Variants in MSRA observed in about 807,000 individuals in gnomAD.
The protein encoded by MSRA is methionine sulfoxide reductase A, also known as mitochondrial peptide methionine sulfoxide reductase.
Under a neutral mutation model 31.3 loss-of-function variants are expected in MSRA, and 54 were observed. That is an observed-to-expected ratio of 1.73 (90% CI 1.39 to 2.17). MSRA has a LOEUF of 2.17. Ranked by LOEUF, MSRA falls within the 30% of genes most tolerant of loss-of-function variation. The probability of loss-of-function intolerance (pLI) is 0.00; values close to 1 mark genes in which losing one functional copy is unlikely to be tolerated. For synonymous variants in MSRA, 169 were observed against 116.5 expected (o/e 1.45, Z -2.90); for missense variants, 507 against 300.9 (o/e 1.69, Z -5.07).
intron 3 of MSRA, among the ~76,000 whole-genome samples, chr8:10,251,671 C>T (rs1424849237): frequency 6.6e-6 from 1 of 152,154 alleles, no homozygotes; most frequent in Non-Finnish European, 1.5e-5. Flanking sequence ...TCTGCTCACC[C>T]AACCATCTTC....
intron 1 of MSRA, among the ~76,000 whole-genome samples, chr8:10,142,325 C>CT (rs1302562695): frequency 5.0e-4 from 76 of 152,252 alleles, no homozygotes; most frequent in African/African-American, 1.7e-3. Context: ...TAATAGGATT[C>CT]CCATTTTCCA....
intron 2 of MSRA, among the ~76,000 whole-genome samples, chr8:10,242,753 C>G (rs373980997): frequency 6.6e-6 from 1 of 152,194 alleles, no homozygotes; most frequent in African/African-American, 2.4e-5. Flanking sequence ...CTCACACCTT[C>G]AAAGCCACAT....
intron 1 of MSRA, among the ~76,000 whole-genome samples, chr8:10,170,065 T>TA (rs1554474791): frequency 6.7e-6 from 1 of 148,234 alleles, no homozygotes; most frequent in Non-Finnish European, 1.5e-5. Flanking sequence ...TTTTTTTTTT[T>TA]AAGTAGAGAC....
intron 5 of MSRA, among the ~76,000 whole-genome samples, chr8:10,387,203 C>G (rs1045998966): frequency 1.3e-5 from 2 of 152,186 alleles, no homozygotes; most frequent in African/African-American, 4.8e-5. Context: ...TAACCTCTCT[C>G]CACCTCCTGA....
At chr8:10,421,341 T>C (rs4349986) in intron 5 of MSRA, among the ~76,000 whole-genome samples, 80,080 of 151,994 alleles carry the variant, frequency 0.53, 22,893 homozygotes, top group Non-Finnish European at 0.65. Flanking sequence ...TTCACGTGAA[T>C]AGAGGGTGGA....
At chr8:10,189,215 T>C (rs946247887) in intron 1 of MSRA, among the ~76,000 whole-genome samples, 6 of 152,198 alleles carry the variant, frequency 3.9e-5, no homozygotes, top group Non-Finnish European at 8.8e-5. Context: ...CTGACCTACA[T>C]TTGGTGAGCT....
At chr8:10,214,008 G>C (rs933848830) in intron 2 of MSRA, among the ~76,000 whole-genome samples, 1 of 152,144 alleles carries the variant, frequency 6.6e-6, no homozygotes, top group Admixed American at 6.5e-5. Flanking sequence ...TTGGGTTGTC[G>C]TGAGTTTTTA....
intron 1 of MSRA, among the ~76,000 whole-genome samples, chr8:10,074,096 T>A (rs1273644817): frequency 6.4e-5 from 5 of 78,076 alleles, no homozygotes; most frequent in South Asian, 3.8e-4. Flanking sequence ...TTTTTTTTTT[T>A]TTATTAAATG....
At position 10,198,979 on chromosome 8, in the gene MSRA, G is replaced by T. The variant is rs148100171; in HGVS notation, c.143-8854G>T. Among the ~76,000 whole-genome samples, 282 of 152,284 alleles carry T rather than the reference G, an allele frequency of 1.9e-3. 2 individuals are homozygous for T. The highest frequency in any genetic ancestry group is 6.5e-3 in the African/African-American group (269 of 41,556). On this transcript the variant is annotated intron_variant, in intron 1 of 5. Transcript: ENST00000317173. ...TGCTCGGCATTGTTTTCGCAAGTTT[G>T]CCATTTGCACGAATCAAAGCTAGTC... is the stretch of plus-strand genomic sequence containing the variant.
chr8:10,096,574 T>G (rs1297854815), intron 1 of MSRA, among the ~76,000 whole-genome samples: 1 of 152,218 alleles, frequency 6.6e-6, no homozygotes, highest in Non-Finnish European at 1.5e-5. Context: ...TTTGGTTGAT[T>G]AGATTTTATA....
intron 3 of MSRA, among the ~76,000 whole-genome samples, chr8:10,275,713 T>A (rs1410939447): frequency 6.6e-6 from 1 of 152,132 alleles, no homozygotes; most frequent in Non-Finnish European, 1.5e-5. Flanking sequence ...CATGAGAAAC[T>A]TGCAGTCGGT....
chr8:10,257,979 T>C (rs1259561793), intron 3 of MSRA, among the ~76,000 whole-genome samples: 1 of 152,198 alleles, frequency 6.6e-6, no homozygotes, highest in African/African-American at 2.4e-5. Context: ...ACATATGAGC[T>C]TGGAGATAGA....
At chr8:10,381,336 C>T (rs993062175) in intron 5 of MSRA, among the ~76,000 whole-genome samples, 12 of 152,196 alleles carry the variant, frequency 7.9e-5, no homozygotes, top group African/African-American at 2.4e-4. Context: ...CGTACCTCCT[C>T]TTGCTTGTTT....
intron 3 of MSRA, among the ~76,000 whole-genome samples, chr8:10,270,091 G>C (rs1334932615): frequency 6.6e-6 from 1 of 152,228 alleles, no homozygotes; most frequent in South Asian, 2.1e-4. Context: ...AGTTGCTATA[G>C]AATGAATGTT....
At chr8:10,101,057 A>T (rs563750239) in intron 1 of MSRA, among the ~76,000 whole-genome samples, 8 of 152,324 alleles carry the variant, frequency 5.3e-5, no homozygotes, top group African/African-American at 1.9e-4. Context: ...CCTTAGCTGT[A>T]TTCATGGGAA....
chr8:10,415,585 T>C (rs1329301403), intron 5 of MSRA, among the ~76,000 whole-genome samples: 1 of 152,080 alleles, frequency 6.6e-6, no homozygotes. Flanking sequence ...AGCCTCTCCA[T>C]CCACCTCTGC....
intron 3 of MSRA, among the ~76,000 whole-genome samples, chr8:10,282,872 C>G (rs189245575): frequency 4.6e-5 from 7 of 152,294 alleles, no homozygotes; most frequent in African/African-American, 1.4e-4. Flanking sequence ...CAGCTCTCCT[C>G]TATATACTGT....
At chr8:10,382,069 G>C (rs1806101788) in intron 5 of MSRA, among the ~76,000 whole-genome samples, 1 of 152,258 alleles carries the variant, frequency 6.6e-6, no homozygotes, top group Non-Finnish European at 1.5e-5. Context: ...AGGAAACTGA[G>C]TCCCAGTGAA....
At chr8:10,065,095 A>G (rs1321835394) in intron 1 of MSRA, among the ~76,000 whole-genome samples, 1 of 151,802 alleles carries the variant, frequency 6.6e-6, no homozygotes, top group Admixed American at 6.6e-5. Flanking sequence ...CACCTCATCT[A>G]CCAGTGAGCC....
Sources: gnomAD v4.1 joint callset for allele counts (sites outside exome capture counted in the v4.1 genomes callset) on GRCh38, gnomAD v4.1.1 for gene constraint, MANE v1.5 for transcripts, NCBI Gene and HGNC (gene_info 2026-07-23, HGNC 2026-07-21) for gene names.